PPP2R1A: variants seen among roughly 807,000 people sequenced by gnomAD.
PPP2R1A encodes protein phosphatase 2 scaffold subunit Aalpha, also known as serine/threonine-protein phosphatase 2A 65 kDa regulatory subunit A alpha isoform.
In PPP2R1A, 15 loss-of-function variants were observed where a neutral mutation model predicts 67.1. That is an observed-to-expected ratio of 0.22 (90% CI 0.15 to 0.34). The LOEUF (loss-of-function observed/expected upper bound fraction) is 0.34, where lower values mean the gene tolerates loss of function less well. PPP2R1A is among the 10% of genes least tolerant of loss of function. The probability of loss-of-function intolerance (pLI) is 1.00; values close to 1 mark genes in which losing one functional copy is unlikely to be tolerated. For synonymous variants in PPP2R1A, 337 were observed against 325.0 expected, an observed-to-expected ratio of 1.04 and a Z score of -0.40; for missense variants, 369 against 775.0, an observed-to-expected ratio of 0.48 and a Z score of 6.22.
chr19:52,208,988 C>T (rs751478555), intron 3 of PPP2R1A, among the ~76,000 whole-genome samples: 39 of 152,176 alleles, frequency 2.6e-4, no homozygotes, highest in Non-Finnish European at 4.9e-4. Context: ...CTTCACTGTG[C>T]AAAGGCATCA....
rs1425538080 is a variant in PPP2R1A, at chr19:52,212,813, A to C, written c.631A>C (p.Asn211His). The change falls in exon 5 of 15, where the codon AAC becomes CAC. Residue 211 changes from asparagine (N) to histidine (H), a missense_variant. Physicochemically the swap from Asn to His is moderately conservative, Grantham distance 68 (BLOSUM62 1). This residue lies in a region of PPP2R1A where 276 missense variants were observed against 508.4 expected (regional missense o/e 0.54). Transcript: ENST00000322088. This position sits in a 1 kb window ranked among gnomAD's most constrained non-coding sequence, Gnocchi z 4.1. ...VKSEIIPMFS[N>H]LASDEQDSVR... ...GAGTGAGATCATCCCCATGTTCTCCAACCTGGCCTCTGACGAGCAGGTGAG... is the reference window on the plus strand; with the variant it reads ...GAGTGAGATCATCCCCATGTTCTCCCACCTGGCCTCTGACGAGCAGGTGAG... The C allele has an allele frequency of 1.2e-6, 2 of 1,606,916 alleles. No homozygotes were observed. The highest frequency in any genetic ancestry group is 1.7e-6 in the Non-Finnish European group (2 of 1,175,496).
Position 52,226,332 on chromosome 19 carries a change from G to A in PPP2R1A, c.*351G>A, listed in dbSNP as rs369518763. ...TCCACCTCCCGTCCTCCCCATCATTGGTTTTTTTTTGTGTGTCAACTGTGC... is the reference window on the plus strand; with the variant it reads ...TCCACCTCCCGTCCTCCCCATCATTAGTTTTTTTTTGTGTGTCAACTGTGC... On this transcript the variant is annotated 3_prime_UTR_variant, in exon 15 of 15. Transcript: ENST00000322088. 4 of 393,114 alleles carry A rather than the reference G, an allele frequency of 1.0e-5. No individual in the cohort carries two copies. Among genetic ancestry groups the A allele is most frequent in the Non-Finnish European group, 1.8e-5 (4 of 219,190 alleles). 24.4% of individuals were successfully genotyped at this position (393,114 alleles called of 1,614,324 possible). A position where few individuals can be genotyped will look rare whatever the true frequency, so the allele number is the denominator to read the frequency against.
At chr19:52,205,496 C>G (rs2122310608) in intron 2 of PPP2R1A, among the ~76,000 whole-genome samples, 1 of 152,180 alleles carries the variant, frequency 6.6e-6, no homozygotes, top group East Asian at 1.9e-4. Context: ...TCCTAGAAAT[C>G]TTCCAAGAAG....
In PPP2R1A at chr19:52,190,061, C is replaced by T. The variant is rs987885895; in HGVS notation, c.-36C>T. The T allele has an allele frequency of 3.2e-6, 5 of 1,541,118 alleles. No homozygotes were observed. Among genetic ancestry groups the T allele is most frequent in the Non-Finnish European group, 4.4e-6 (5 of 1,140,910 alleles). On this transcript the variant is annotated 5_prime_UTR_variant, in exon 1 of 15. Coordinates refer to ENST00000322088, the MANE Select transcript of PPP2R1A (RefSeq NM_014225.6). ...GCCCCCCCCACGTTTCAGCACAGCG[C>T]TGGCCGCAGTCTGACAGGAAAGGGA...
At position 52,229,417 on chromosome 19, in the gene PPP2R1A, C is replaced by G. The variant is rs577073292; in HGVS notation, c.*3436C>G. The G allele has an allele frequency of 6.6e-6, 1 of 152,228 alleles. No homozygotes were observed. Among genetic ancestry groups the G allele is most frequent in the African/African-American group, 2.4e-5 (1 of 41,382 alleles). 9.4% of individuals were successfully genotyped at this position (152,228 alleles called of 1,614,324 possible). A position where few individuals can be genotyped will look rare whatever the true frequency, so the allele number is the denominator to read the frequency against. ...CCTAGATTGGGCCATTGCACTCCAG[C>G]CAGGGTGACAGAGCAAGACCCCATA... On this transcript the variant is annotated 3_prime_UTR_variant, in exon 15 of 15. Transcript: ENST00000322088.
intron 1 of PPP2R1A, among the ~76,000 whole-genome samples, chr19:52,200,549 A>G (rs1376395662): frequency 6.6e-6 from 1 of 152,232 alleles, no homozygotes; most frequent in Admixed American, 6.5e-5. Context: ...GCCAAATATA[A>G]TAGTTCTCTA....
At chr19:52,193,050 C>T (rs561819373) in intron 1 of PPP2R1A, among the ~76,000 whole-genome samples, 4 of 152,242 alleles carry the variant, frequency 2.6e-5, no homozygotes, top group African/African-American at 9.6e-5. Flanking sequence ...GGTGCTTGCT[C>T]TATGTTAGGT....
chr19:52,225,368 A>AT (rs1979191935), intron 13 of PPP2R1A, among the ~76,000 whole-genome samples: 1 of 152,122 alleles, frequency 6.6e-6, no homozygotes, highest in South Asian at 2.1e-4. Flanking sequence ...TTATGGGGGT[A>AT]TAGTAGTGTT....
intron 2 of PPP2R1A, among the ~76,000 whole-genome samples, chr19:52,205,690 G>C (rs949664948): frequency 1.4e-4 from 21 of 152,208 alleles, no homozygotes; most frequent in African/African-American, 5.1e-4. Context: ...CCATTTTACA[G>C]ACGCAGAAGC....
In PPP2R1A at chr19:52,202,068, G is replaced by A. The variant is rs188626045; in HGVS notation, c.169+34G>A. 349 of 1,565,254 alleles carry A rather than the reference G, an allele frequency of 2.2e-4. No individual in the cohort carries two copies. In the African/African-American group the frequency reaches 3.9e-3, roughly 17 times the overall value. On this transcript the variant is annotated intron_variant, in intron 2 of 14. Coordinates refer to ENST00000322088, the MANE Select transcript of PPP2R1A (RefSeq NM_014225.6). ...GGGGACCCCTGGGGCCCAGATGTGG[G>A]GACTCTTGGGAGGTGGTTTTCACTA...
rs2122362038 is a variant in PPP2R1A at position 52,220,266 on chromosome 19, G to A, written c.1363+17G>A. 2 of 1,612,332 alleles carry A rather than the reference G, an allele frequency of 1.2e-6. No homozygotes were observed. The highest frequency in any genetic ancestry group is 1.7e-6 in the Non-Finnish European group (2 of 1,178,678). ...TGGATCATGGTGAGTACCTTCACAGGAGCAGCAAGAGGAGATGGGAGCTCC... is the reference window on the plus strand; with the variant it reads ...TGGATCATGGTGAGTACCTTCACAGAAGCAGCAAGAGGAGATGGGAGCTCC... On this transcript the variant is annotated intron_variant, in intron 11 of 14. Coordinates refer to ENST00000322088, the MANE Select transcript of PPP2R1A (RefSeq NM_014225.6).
Position 52,213,134 on chromosome 19 carries a change from G to C in PPP2R1A, c.807+24G>C, listed in dbSNP as rs1458197353. ...AGGTAGATGAGCGACCGTTGACATT[G>C]TCCCACTGGTGGGGACACTGACACT... On this transcript the variant is annotated intron_variant, in intron 6 of 14. Transcript: ENST00000322088. The surrounding 1 kb of genome is among the most constrained non-coding windows in gnomAD (Gnocchi z 4.2). 6.5e-7 allele frequency: 1 copy of C among 1,531,688 alleles called. No individual in the cohort carries two copies. Among genetic ancestry groups the C allele is most frequent in the South Asian group, 1.3e-5 (1 of 79,632 alleles). 94.9% of individuals were successfully genotyped at this position (1,531,688 alleles called of 1,614,324 possible). A position where few individuals can be genotyped will look rare whatever the true frequency, so the allele number is the denominator to read the frequency against.
chr19:52,206,916 G>A (rs1257761634), intron 3 of PPP2R1A, among the ~76,000 whole-genome samples: 1 of 152,160 alleles, frequency 6.6e-6, no homozygotes, highest in Non-Finnish European at 1.5e-5. Context: ...GATACAATGT[G>A]GCACCGGCAG....
chr19:52,214,047 A>G (rs1978421190), intron 6 of PPP2R1A, among the ~76,000 whole-genome samples: 1 of 152,146 alleles, frequency 6.6e-6, no homozygotes, highest in South Asian at 2.1e-4. Flanking sequence ...TGTGGGACAG[A>G]CAGACAGATG....
Position 52,211,403 on chromosome 19 carries a change from C to T in PPP2R1A, c.414C>T (p.Gly138=), listed in dbSNP as rs763013618. ...FVPLVKRLAG[G]DWFTSRTSAC... is the part of the protein sequence containing the mutation. ...CGCTAGTGAAGCGGCTGGCGGGCGG[C>T]GACTGGTTCACCTCCCGCACCTCGG... The change falls in exon 4 of 15, where the codon GGC becomes GGT. Residue 138 remains glycine (G), a synonymous_variant. Transcript: ENST00000322088. The surrounding 1 kb of genome is among the most constrained non-coding windows in gnomAD (Gnocchi z 5.3). 2.0e-5 allele frequency: 33 copies of T among 1,613,786 alleles called. No homozygotes were observed. The highest frequency in any genetic ancestry group is 6.7e-5 in the East Asian group (3 of 44,898).
intron 2 of PPP2R1A, among the ~76,000 whole-genome samples, chr19:52,204,327 TGAAA>T (rs2122307211): frequency 6.6e-6 from 1 of 152,184 alleles, no homozygotes; most frequent in Non-Finnish European, 1.5e-5. Context: ...CTTTTACACC[TGAAA>T]GAGTCACTCT....
Position 52,196,416 on chromosome 19 carries a change from T to G in PPP2R1A, c.79-5528T>G, listed in dbSNP as rs186294803. Among the ~76,000 whole-genome samples the G allele has an allele frequency of 1.6e-4, 25 of 152,272 alleles. No homozygotes were observed. The East Asian group carries it at 4.1e-3, about 25-fold the overall frequency. The stretch of plus-strand genomic sequence containing the variant: ...ATGCGGTTTTTTTGACTGGCCTGTT[T>G]TGGTTATAAGATTCCAGCAGCATCT... On this transcript the variant is annotated intron_variant, in intron 1 of 14. Transcript: ENST00000322088.
chr19:52,222,305 C>T (rs1461210518), intron 13 of PPP2R1A, 64 bp downstream of exon 13: 3 of 1,554,830 alleles, frequency 1.9e-6, no homozygotes, highest in Non-Finnish European at 2.6e-6. Flanking sequence ...AATCTTTGAC[C>T]TTTGAAGGTA....
At chr19:52,205,610 C>T (rs546200990) in intron 2 of PPP2R1A, among the ~76,000 whole-genome samples, 1 of 152,352 alleles carries the variant, frequency 6.6e-6, no homozygotes, top group Admixed American at 6.5e-5. Context: ...TGACCATGCT[C>T]TGCGCTTTAT....
Sources: gnomAD v4.1 joint callset for allele counts (sites outside exome capture counted in the v4.1 genomes callset) on GRCh38, gnomAD v4.1.1 for gene constraint, gnomAD v4.1.1 regional missense constraint, Gnocchi (gnomAD v3.1) non-coding constraint, MANE v1.5 for transcripts, NCBI Gene and HGNC (gene_info 2026-07-23, HGNC 2026-07-21) for gene names.